Variants in CAMTA1 observed in about 807,000 individuals in gnomAD.
CAMTA1 encodes the protein calmodulin-binding transcription activator 1.
A neutral mutation model predicts 170.9 loss-of-function variants in CAMTA1; 27 were observed. That is an observed-to-expected ratio of 0.16 (90% CI 0.12 to 0.22). The LOEUF is 0.22. Ranked by LOEUF, CAMTA1 falls within the 10% of genes least tolerant of loss-of-function variation. CAMTA1 has a pLI of 1.00. For missense variants in CAMTA1, 1,619 were observed against 2,217.2 expected, an observed-to-expected ratio of 0.73 and a Z score of 5.42; for synonymous variants, 833 against 891.5, an observed-to-expected ratio of 0.93 and a Z score of 1.17.
intron 3 of CAMTA1, among the ~76,000 whole-genome samples, chr1:7,020,178 G>T (rs943524737): frequency 6.6e-6 from 1 of 152,236 alleles, no homozygotes; most frequent in East Asian, 1.9e-4. Context: ...GCTAAAAGTA[G>T]ATTCCAAAAT....
chr1:7,138,909 T>G (rs1645701897), intron 4 of CAMTA1, among the ~76,000 whole-genome samples: 1 of 151,060 alleles, frequency 6.6e-6, no homozygotes. Context: ...GCAGGAGAAT[T>G]GCTTGAACCC....
At chr1:7,431,543 C>A (rs564423004) in intron 5 of CAMTA1, among the ~76,000 whole-genome samples, 20 of 152,278 alleles carry the variant, frequency 1.3e-4, no homozygotes, top group African/African-American at 4.6e-4. Context: ...TGGGCAGCCC[C>A]ACTTGGCAGA....
In CAMTA1 at chr1:7,532,489, C is replaced by T. The variant is rs1000490649; in HGVS notation, c.510+64588C>T. 4.6e-5 allele frequency among the ~76,000 whole-genome samples: 7 copies of T among 152,098 alleles called. No homozygotes were observed. The highest frequency in any genetic ancestry group is 1.9e-4 in the East Asian group (1 of 5,168). ...TTTTATTTTATGTTTGTTTTAGGGA[C>T]GGGGCTCTTACCATGTTGCCCAGGT... On this transcript the variant is annotated intron_variant, in intron 6 of 22. Coordinates refer to ENST00000303635, the MANE Select transcript of CAMTA1 (RefSeq NM_015215.4). This position sits in a 1 kb window ranked among gnomAD's most constrained non-coding sequence, Gnocchi z 4.2.
At position 7,736,325 on chromosome 1, in the gene CAMTA1, G is replaced by T. The variant is rs375653986; in HGVS notation, c.3067-19G>T. On this transcript the variant is annotated intron_variant, in intron 12 of 22. Coordinates refer to ENST00000303635, the MANE Select transcript of CAMTA1 (RefSeq NM_015215.4). This position sits in a 1 kb window ranked among gnomAD's most constrained non-coding sequence, Gnocchi z 4.5. ...GGGCCTTTAGTCCTGAGGTCGTAACGTGCGCTTTTTTGTGACAGTGTGCTT... is the reference window on the plus strand; with the variant it reads ...GGGCCTTTAGTCCTGAGGTCGTAACTTGCGCTTTTTTGTGACAGTGTGCTT... 10 of 1,611,126 alleles carry T rather than the reference G, an allele frequency of 6.2e-6. No homozygotes were observed. The African/African-American group carries it at 1.1e-4, about 17-fold the overall frequency.
At chr1:7,285,364 G>A (rs902342567) in intron 5 of CAMTA1, among the ~76,000 whole-genome samples, 3 of 152,314 alleles carry the variant, frequency 2.0e-5, no homozygotes, top group Admixed American at 6.5e-5. Context: ...GGTGGGTGGC[G>A]CTGATGCACC....
chr1:7,500,579 G>C (rs929656696), intron 6 of CAMTA1, among the ~76,000 whole-genome samples: 2 of 152,146 alleles, frequency 1.3e-5, no homozygotes, highest in African/African-American at 4.8e-5. Flanking sequence ...CTGCTCCCCT[G>C]GGTGGGCCCG....
intron 2 of CAMTA1, among the ~76,000 whole-genome samples, chr1:6,823,202 G>C (rs1265940161): frequency 6.6e-6 from 1 of 152,060 alleles, no homozygotes; most frequent in Non-Finnish European, 1.5e-5. Context: ...GAGAAGGGAG[G>C]TAAAGGCTCA....
intron 6 of CAMTA1, among the ~76,000 whole-genome samples, chr1:7,518,831 C>G (rs374617317): frequency 6.6e-6 from 1 of 152,004 alleles, no homozygotes; most frequent in Non-Finnish European, 1.5e-5. Flanking sequence ...GCATACTCAT[C>G]TCCCTTCTGA....
At chr1:7,345,231 T>C (rs1289473499) in intron 5 of CAMTA1, among the ~76,000 whole-genome samples, 1 of 152,262 alleles carries the variant, frequency 6.6e-6, no homozygotes, top group Admixed American at 6.5e-5. Flanking sequence ...TTACTTTTAA[T>C]ACAGTCAGTG....
At chr1:7,596,383 G>A (rs1388278657) in intron 6 of CAMTA1, among the ~76,000 whole-genome samples, 1 of 152,222 alleles carries the variant, frequency 6.6e-6, no homozygotes, top group East Asian at 1.9e-4. Context: ...GATATAGTTT[G>A]ACTCAGGCTT....
At chr1:7,084,923 TA>T (rs1379925748) in intron 3 of CAMTA1, among the ~76,000 whole-genome samples, 1 of 152,250 alleles carries the variant, frequency 6.6e-6, no homozygotes. Flanking sequence ...GGTTAAAGTA[TA>T]AAATATTATT....
chr1:7,239,102 TC>T (rs1664409129), intron 4 of CAMTA1, among the ~76,000 whole-genome samples: 1 of 152,186 alleles, frequency 6.6e-6, no homozygotes, highest in Non-Finnish European at 1.5e-5. Flanking sequence ...ATCCATACTC[TC>T]CCATTCCTTC....
chr1:7,351,947 C>T (rs2084708091), intron 5 of CAMTA1, among the ~76,000 whole-genome samples: 1 of 152,210 alleles, frequency 6.6e-6, no homozygotes, highest in Non-Finnish European at 1.5e-5. Context: ...CAAAAGAGAA[C>T]AAAGTGATAT....
intron 5 of CAMTA1, among the ~76,000 whole-genome samples, chr1:7,282,445 G>T (rs190481824): frequency 2.6e-5 from 4 of 152,300 alleles, no homozygotes; most frequent in African/African-American, 7.2e-5. Context: ...GGCCAGCAGG[G>T]ACCAGCGACT....
At chr1:7,326,235 A>G (rs1002442870) in intron 5 of CAMTA1, among the ~76,000 whole-genome samples, 2 of 152,236 alleles carry the variant, frequency 1.3e-5, no homozygotes, top group Non-Finnish European at 2.9e-5. Context: ...ATAAAATTAC[A>G]TAAAAACCAA....
rs141203783 is a variant in CAMTA1 at position 7,216,914 on chromosome 1, G to T, written c.303-32577G>T. On this transcript the variant is annotated intron_variant, in intron 4 of 22. Coordinates refer to ENST00000303635, the MANE Select transcript of CAMTA1 (RefSeq NM_015215.4). This position sits in a 1 kb window ranked among gnomAD's most constrained non-coding sequence, Gnocchi z 4.0. ...GGAATGTGATTTTTAGCATTAGAAG[G>T]TGTCATAATGTTGTTTCTTAAATTA... is the stretch of plus-strand genomic sequence containing the variant. Among the ~76,000 whole-genome samples the T allele has an allele frequency of 1.0e-3, 156 of 152,270 alleles. No individual in the cohort carries two copies. The highest frequency in any genetic ancestry group is 3.6e-3 in the African/African-American group (149 of 41,536).
intron 3 of CAMTA1, among the ~76,000 whole-genome samples, chr1:6,873,430 A>G (rs1276124614): frequency 1.3e-5 from 2 of 152,130 alleles, no homozygotes; most frequent in African/African-American, 2.4e-5. Flanking sequence ...GTGGGGGGCC[A>G]TGACTGCTTG....
intron 3 of CAMTA1, among the ~76,000 whole-genome samples, chr1:6,905,605 G>A (rs1315089120): frequency 2.0e-5 from 3 of 152,114 alleles, no homozygotes; most frequent in Admixed American, 6.6e-5. Context: ...TGTCCATGCA[G>A]TCCCTTGGCC....
At chr1:6,942,650 C>T (rs1686841099) in intron 3 of CAMTA1, among the ~76,000 whole-genome samples, 1 of 152,072 alleles carries the variant, frequency 6.6e-6, no homozygotes, top group Non-Finnish European at 1.5e-5. Flanking sequence ...CAGAGTGAGA[C>T]CCTGTCTCTA....
Sources: allele counts gnomAD v4.1 joint callset (sites outside exome capture counted in the v4.1 genomes callset), GRCh38; gene constraint gnomAD v4.1.1; non-coding constraint Gnocchi (gnomAD v3.1); transcripts MANE v1.5; gene names NCBI Gene and HGNC (gene_info 2026-07-23, HGNC 2026-07-21).